ANAPC4: variants seen among roughly 807,000 people sequenced by gnomAD.
ANAPC4 encodes anaphase promoting complex subunit 4.
A neutral mutation model predicts 119.8 loss-of-function variants in ANAPC4; 63 were observed. The ratio of observed to expected loss-of-function variants is 0.53; its 90% CI spans 0.43 to 0.65. The LOEUF (loss-of-function observed/expected upper bound fraction) is 0.65, where lower values mean the gene tolerates loss of function less well. Among genes scored for constraint, ANAPC4 ranks in the 30% least tolerant of loss-of-function variants. The pLI is 0.00. For synonymous variants in ANAPC4, 283 were observed against 318.6 expected, an observed-to-expected ratio of 0.89 and a Z score of 1.19; for missense variants, 716 against 945.1, an observed-to-expected ratio of 0.76 and a Z score of 3.18.
In ANAPC4 at chr4:25,393,784, AT is replaced by A; in HGVS notation, c.790-16del. On this transcript the variant is annotated intron_variant, in intron 10 of 28. Transcript: ENST00000315368. Reference sequence around the variant, plus strand: ...GGTTTAAATATTTTTTACCATTTCAATTTTTCTTTTTTGCTAATAGTATATA... The same window carrying A: ...GGTTTAAATATTTTTTACCATTTCAATTTTCTTTTTTGCTAATAGTATATA... 6.6e-7 allele frequency: 1 copy of A among 1,512,072 alleles called. No homozygotes were observed. Among genetic ancestry groups the A allele is most frequent in the African/African-American group, 1.4e-5 (1 of 71,574 alleles). 93.7% of individuals were successfully genotyped at this position (1,512,072 alleles called of 1,614,324 possible).
chr4:25,414,554 T>C, intron 24 of ANAPC4, 45 bp from the exon 25 acceptor site: 1 of 1,566,440 alleles, frequency 6.4e-7, no homozygotes, highest in South Asian at 1.2e-5. Flanking sequence ...AATTTTGTTT[T>C]ATCCATCAAT....
rs146902501 is a variant in ANAPC4 at position 25,409,917 on chromosome 4, T to G, written c.1525+126T>G. 995 of 625,296 alleles carry G rather than the reference T, an allele frequency of 1.6e-3. 5 individuals are homozygous for G. The African/African-American group carries it at 0.017, about 10-fold the overall frequency. The allele number at this position is 625,296 out of a possible 1,614,324, so 38.7% of individuals were successfully genotyped here. On this transcript the variant is annotated intron_variant, in intron 21 of 28. Transcript: ENST00000315368. ...TTACCTAAGTTTATTAGACTTATATTTATTTGATTATAGGAACAGCAAAAT... is the reference window on the plus strand; with the variant it reads ...TTACCTAAGTTTATTAGACTTATATGTATTTGATTATAGGAACAGCAAAAT...
intron 7 of ANAPC4, 65 bp from the exon 8 acceptor site, chr4:25,390,071 G>C: frequency 1.8e-6 from 2 of 1,126,522 alleles, no homozygotes; most frequent in Non-Finnish European, 2.7e-6. Context: ...TTTATATCTC[G>C]CTTTAACAAT....
At chr4:25,388,645 A>T (rs1447968308) in intron 5 of ANAPC4, 71 bp downstream of exon 5, 1 of 1,560,232 alleles carries the variant, frequency 6.4e-7, no homozygotes, top group African/African-American at 1.4e-5. Context: ...CACTGTGACA[A>T]TTTTCTCATG....
At chr4:25,403,178 A>G (rs1577391004) in intron 17 of ANAPC4, 152 bp downstream of exon 17, 2 of 466,880 alleles carry the variant, frequency 4.3e-6, no homozygotes, top group East Asian at 7.4e-5. Context: ...TAGCTTCAGC[A>G]GTTATCAACA....
chr4:25,384,643 A>G (rs889691629), intron 4 of ANAPC4, among the ~76,000 whole-genome samples: 12 of 152,126 alleles, frequency 7.9e-5, no homozygotes, highest in Non-Finnish European at 1.8e-4. Flanking sequence ...CAACATGGTG[A>G]AACCCTATCT....
At position 25,392,508 on chromosome 4, in the gene ANAPC4, A is replaced by G. The variant is rs1722403696; in HGVS notation, c.789+87A>G. ...AAAAAGCTTCAAAATTTTGTTTTGT[A>G]AAGCTTTCTGAAGTAGAGGTATCTA... On this transcript the variant is annotated intron_variant, in intron 10 of 28. Transcript: ENST00000315368. 11 of 1,106,448 alleles carry G rather than the reference A, an allele frequency of 9.9e-6. No individual in the cohort carries two copies. In the South Asian group the frequency reaches 1.5e-4, roughly 15 times the overall value. The allele number at this position is 1,106,448 out of a possible 1,614,324, so 68.5% of individuals were successfully genotyped here.
intron 7 of ANAPC4, 143 bp downstream of exon 7, chr4:25,389,025 C>G: frequency 2.8e-6 from 2 of 719,434 alleles, no homozygotes; most frequent in South Asian, 4.0e-5. Flanking sequence ...GATGGAGTCT[C>G]TGTCACCCAG....
chr4:25,393,693 T>C (rs2109122348), intron 10 of ANAPC4, 112 bp from the exon 11 acceptor site: 2 of 575,668 alleles, frequency 3.5e-6, no homozygotes, highest in Non-Finnish European at 5.9e-6. Flanking sequence ...AAACAGTGAT[T>C]GAAAGTAAAT....
chr4:25,387,050 T>G (rs1181300579), intron 4 of ANAPC4, among the ~76,000 whole-genome samples: 1 of 152,176 alleles, frequency 6.6e-6, no homozygotes, highest in Non-Finnish European at 1.5e-5. Context: ...TTTTTTTGTG[T>G]CTCAGTAAGT....
chr4:25,377,445 C>T lies in ANAPC4; in HGVS notation c.18C>T (p.Thr6=). The T allele has an allele frequency of 6.2e-7, 1 of 1,614,140 alleles. No homozygotes were observed. The highest frequency in any genetic ancestry group is 8.5e-7 in the Non-Finnish European group (1 of 1,180,010). The change falls in exon 2 of 29, where the codon ACC becomes ACT. Residue 6 remains threonine, a synonymous_variant. Coordinates refer to ENST00000315368, the MANE Select transcript of ANAPC4 (RefSeq NM_013367.3). Reference sequence around the variant, plus strand: ...CCGTCCCCATGTTGCGTTTTCCGACCTGTTTCCCATCCTTCCGGGTGGTGG... The same window carrying T: ...CCGTCCCCATGTTGCGTTTTCCGACTTGTTTCCCATCCTTCCGGGTGGTGG... The part of the protein sequence containing the change: MLRFP[T]CFPSFRVVGE...
intron 10 of ANAPC4, among the ~76,000 whole-genome samples, chr4:25,392,741 A>C (rs1261812705): frequency 1.3e-5 from 2 of 152,196 alleles, no homozygotes; most frequent in East Asian, 3.8e-4. Context: ...AACCCACCCC[A>C]AATTACCTCC....
At chr4:25,400,107 C>G (rs1025182505) in intron 16 of ANAPC4, among the ~76,000 whole-genome samples, 1 of 152,190 alleles carries the variant, frequency 6.6e-6, no homozygotes, top group Non-Finnish European at 1.5e-5. Context: ...GCAGAGAAGA[C>G]AGCAAATATA....
intron 9 of ANAPC4, 82 bp from the exon 10 acceptor site, chr4:25,392,256 G>C: frequency 1.1e-6 from 1 of 948,462 alleles, no homozygotes; most frequent in South Asian, 1.4e-5. Context: ...TTTCTGATAC[G>C]TAGTTTGACC....
rs1014089483 is a variant in ANAPC4 at position 25,416,597 on chromosome 4, A to G, written c.2074A>G (p.Arg692Gly). Residue 692 changes from arginine to glycine, a missense_variant and splice_region_variant, in exon 27 of 29, where the codon AGG (arginine) becomes GGG (glycine). Coordinates refer to ENST00000315368, the MANE Select transcript of ANAPC4 (RefSeq NM_013367.3). ...TCAGTTCACTGGGACTTATTCTACA[A>G]GGTAACTAGTAACATTGTCTTTCTG... is the stretch of plus-strand genomic sequence containing the variant. ...EYQFTGTYST[R>G]LDEQCSAIPT... 1 of 1,521,206 alleles carries G rather than the reference A, an allele frequency of 6.6e-7. No homozygotes were observed. Among genetic ancestry groups the G allele is most frequent in the Non-Finnish European group, 8.9e-7 (1 of 1,123,850 alleles). The allele number at this position is 1,521,206 out of a possible 1,614,324, so 94.2% of individuals were successfully genotyped here.
At position 25,392,437 on chromosome 4, in the gene ANAPC4, T is replaced by A. The variant is rs758339628; in HGVS notation, c.789+16T>A. On this transcript the variant is annotated intron_variant, in intron 10 of 28. Transcript: ENST00000315368. ...TCTGTTACAGGTATTTATTTAGAGC[T>A]TGTTTTATGTGAATATTTATTATCG... 7.0e-6 allele frequency: 11 copies of A among 1,579,170 alleles called. No homozygotes were observed. In the Admixed American group the frequency reaches 1.9e-4, roughly 27 times the overall value.
chr4:25,388,803 A>T, intron 6 of ANAPC4, 35 bp from the exon 7 acceptor site: 1 of 1,602,250 alleles, frequency 6.2e-7, no homozygotes, highest in South Asian at 1.1e-5. Flanking sequence ...GGAAGACAGA[A>T]TTGAAAGATG....
intron 27 of ANAPC4, chr4:25,417,194 A>G (rs1278199434): frequency 6.5e-6 from 1 of 152,782 alleles, no homozygotes; most frequent in South Asian, 2.1e-4. Context: ...ACGCAATCAT[A>G]GCTCACTGCA....
chr4:25,416,820 G>A lies in ANAPC4; in HGVS notation c.2075+222G>A, dbSNP rs551923671. On this transcript the variant is annotated intron_variant, in intron 27 of 28. Coordinates refer to ENST00000315368, the MANE Select transcript of ANAPC4 (RefSeq NM_013367.3). ...ACTAGTAAATCAGGAAGTATTTGCT[G>A]GAATCAAGGTGGGGAATTATTTGGA... The A allele has an allele frequency of 9.1e-5, 30 of 327,986 alleles. No homozygotes were observed. In the South Asian group the frequency reaches 3.1e-3, roughly 34 times the overall value. 20.3% of individuals were successfully genotyped at this position (327,986 alleles called of 1,614,324 possible). A position where few individuals can be genotyped will look rare whatever the true frequency, so the allele number is the denominator to read the frequency against.
Sources: allele counts gnomAD v4.1 joint callset (sites outside exome capture counted in the v4.1 genomes callset), GRCh38; gene constraint gnomAD v4.1.1; transcripts MANE v1.5; gene names NCBI Gene and HGNC (gene_info 2026-07-23, HGNC 2026-07-21).